TMEM184B: variants seen among roughly 807,000 people sequenced by gnomAD.
The protein encoded by TMEM184B is putative MAPK-activating protein FM08.
TMEM184B carries 17 observed loss-of-function variants against 41.8 expected under a neutral mutation model. That is an observed-to-expected ratio of 0.41 (90% CI 0.28 to 0.61). TMEM184B has a LOEUF of 0.61. Among genes scored for constraint, TMEM184B ranks in the 20% least tolerant of loss-of-function variants. The pLI is 0.34. For missense variants in TMEM184B, 393 were observed against 557.8 expected (o/e 0.70, Z 2.98); for synonymous variants, 240 against 229.5 (o/e 1.05, Z -0.41).
At chr22:38,249,323 AT>A (rs888284741) in intron 1 of TMEM184B, among the ~76,000 whole-genome samples, 2 of 151,850 alleles carry the variant, frequency 1.3e-5, no homozygotes, top group Non-Finnish European at 2.9e-5. Flanking sequence ...TAATTTTCTA[AT>A]TTTTTGTAGA....
chr22:38,267,189 C>G (rs1393854141), intron 1 of TMEM184B, among the ~76,000 whole-genome samples: 9 of 152,016 alleles, frequency 5.9e-5, no homozygotes, highest in Non-Finnish European at 8.8e-5. Context: ...CAAATATTCA[C>G]TTAGTGGGAT....
intron 1 of TMEM184B, among the ~76,000 whole-genome samples, chr22:38,252,998 C>T (rs898638313): frequency 2.6e-5 from 4 of 152,028 alleles, no homozygotes; most frequent in Non-Finnish European, 4.4e-5. Flanking sequence ...AAAAATTAGC[C>T]GGGCCTGGTG....
chr22:38,218,033 C>T (rs2091171655), downstream of TMEM184B, among the ~76,000 whole-genome samples: 1 of 152,102 alleles, frequency 6.6e-6, no homozygotes, highest in Non-Finnish European at 1.5e-5. Flanking sequence ...CAGTCCCACC[C>T]AGAGAGGAAA....
chr22:38,271,308 A>G lies in TMEM184B; in HGVS notation c.-59+1576T>C, dbSNP rs549600589. Among the ~76,000 whole-genome samples the G allele has an allele frequency of 5.3e-5, 8 of 152,298 alleles. No individual in the cohort carries two copies. The East Asian group carries it at 1.4e-3, about 26-fold the overall frequency. ...TAGTAGATGCTCAGTAAGTTGCAAG[A>G]CAAGATCTGGCAGCAAGAGAGAGGT... On this transcript the variant is annotated intron_variant, in intron 1 of 8. Transcript: ENST00000361906.
chr22:38,256,366 AC>A (rs1280476746), intron 1 of TMEM184B, among the ~76,000 whole-genome samples: 6 of 151,988 alleles, frequency 3.9e-5, no homozygotes, highest in Non-Finnish European at 5.9e-5. Flanking sequence ...GGCACCCACC[AC>A]CATGCCTGCC....
At chr22:38,244,460 C>CTTTTTT (rs561655176) in intron 3 of TMEM184B, among the ~76,000 whole-genome samples, 3 of 143,194 alleles carry the variant, frequency 2.1e-5, no homozygotes, top group Non-Finnish European at 3.1e-5. Context: ...ATGTAGGGGT[C>CTTTTTT]TTTTTTTTTT....
At position 38,226,572 on chromosome 22, in the gene TMEM184B, T is replaced by C; in HGVS notation, c.617+207A>G. 7.6e-6 allele frequency: 4 copies of C among 529,748 alleles called. No homozygotes were observed. Among genetic ancestry groups the C allele is most frequent in the Non-Finnish European group, 1.4e-5 (4 of 289,326 alleles). 32.8% of individuals were successfully genotyped at this position (529,748 alleles called of 1,614,324 possible). A position where few individuals can be genotyped will look rare whatever the true frequency, so the allele number is the denominator to read the frequency against. ...TCTGCAGCCTGGACATGAACGTGAC[T>C]GCTGCCAATGGCTCACTCCGGGGCT... On this transcript the variant is annotated intron_variant, in intron 6 of 8. Transcript: ENST00000361906. The surrounding 1 kb of genome is among the most constrained non-coding windows in gnomAD (Gnocchi z 4.6).
At chr22:38,246,816 A>T (rs970282091) in intron 2 of TMEM184B, 4 of 1,292,354 alleles carry the variant, frequency 3.1e-6, no homozygotes, top group Non-Finnish European at 4.1e-6. Context: ...CACAGTCCTC[A>T]GTCCAGGCAG....
At chr22:38,221,821 G>T (rs1602352790) in intron 8 of TMEM184B, 111 bp from the exon 9 acceptor site, 1 of 1,436,770 alleles carries the variant, frequency 7.0e-7, no homozygotes. Context: ...CCAAAGCTAT[G>T]CCCTTCAACC....
At chr22:38,255,542 C>T (rs2092263551) in intron 1 of TMEM184B, among the ~76,000 whole-genome samples, 1 of 152,182 alleles carries the variant, frequency 6.6e-6, no homozygotes, top group Non-Finnish European at 1.5e-5. Flanking sequence ...ATTTATTCTA[C>T]AGGAATGAAA....
intron 1 of TMEM184B, among the ~76,000 whole-genome samples, chr22:38,262,896 T>C (rs185192820): frequency 3.5e-4 from 53 of 152,294 alleles, no homozygotes; most frequent in Middle Eastern, 3.4e-3. Flanking sequence ...TCCTTATGTT[T>C]TTAATTTATT....
intron 3 of TMEM184B, among the ~76,000 whole-genome samples, chr22:38,242,371 G>A (rs551775535): frequency 2.6e-5 from 4 of 151,960 alleles, no homozygotes; most frequent in South Asian, 2.1e-4. Flanking sequence ...CCAGCTACTC[G>A]AGAGGCTGAG....
At position 38,219,618 on chromosome 22, in the gene TMEM184B, C is replaced by T. The variant is rs1485109373; in HGVS notation, c.*1851G>A. On this transcript the variant is annotated 3_prime_UTR_variant, in exon 9 of 9. Transcript: ENST00000361906. Reference sequence around the variant, plus strand: ...ACATGTTCCCGTCCCCACGACCCCACGGACCGCTGATTCCCTGCCACTGAG... The same window carrying T: ...ACATGTTCCCGTCCCCACGACCCCATGGACCGCTGATTCCCTGCCACTGAG... The T allele has an allele frequency of 7.1e-6, 7 of 985,370 alleles. No homozygotes were observed. The highest frequency in any genetic ancestry group is 5.2e-4 in the Middle Eastern group (1 of 1,936). 61.0% of individuals were successfully genotyped at this position (985,370 alleles called of 1,614,324 possible).
chr22:38,232,629 G>A (rs1161906737), intron 3 of TMEM184B, among the ~76,000 whole-genome samples: 2 of 152,162 alleles, frequency 1.3e-5, no homozygotes, highest in Non-Finnish European at 2.9e-5. Flanking sequence ...AGCCACGGTG[G>A]CCCTCCAGCC....
Position 38,230,720 on chromosome 22 carries a change from G to A in TMEM184B, c.474C>T (p.Cys158=), listed in dbSNP as rs1175913576. 1 of 1,612,464 alleles carries A rather than the reference G, an allele frequency of 6.2e-7. No homozygotes were observed. Among genetic ancestry groups the A allele is most frequent in the East Asian group, 2.2e-5 (1 of 44,862 alleles). The part of the protein sequence containing the change: ...PIESSCMYGT[C]CLWGKTYSIG... Reference sequence around the variant, plus strand: ...TGGAATAAGTCTTTCCCCAGAGGCAGCAGGTGCCATACATACAGCTGGACC... The same window carrying A: ...TGGAATAAGTCTTTCCCCAGAGGCAACAGGTGCCATACATACAGCTGGACC... Residue 158 remains cysteine (C), a synonymous_variant, in exon 5 of 9, where the codon TGC becomes TGT. Transcript: ENST00000361906.
At chr22:38,240,579 A>G (rs2091882005) in intron 3 of TMEM184B, among the ~76,000 whole-genome samples, 1 of 152,068 alleles carries the variant, frequency 6.6e-6, no homozygotes, top group African/African-American at 2.4e-5. Flanking sequence ...ACATACAGAA[A>G]GACTTCCCAG....
rs199536196 is a variant in TMEM184B at position 38,247,986 on chromosome 22, T to C, written c.-25A>G. On this transcript the variant is annotated 5_prime_UTR_variant, in exon 2 of 9. Transcript: ENST00000361906. ...TGGTGCCTGGCAGCAGGAGGCTCCCTGAGGGAAACCTTTGCAGAAAGTGAC... is the reference window on the plus strand; with the variant it reads ...TGGTGCCTGGCAGCAGGAGGCTCCCCGAGGGAAACCTTTGCAGAAAGTGAC... The C allele has an allele frequency of 3.8e-5, 58 of 1,545,824 alleles. 1 individual carries two copies. The African/African-American group carries it at 5.4e-4, about 14-fold the overall frequency.
chr22:38,268,614 AC>A, intron 1 of TMEM184B, among the ~76,000 whole-genome samples: 1 of 152,292 alleles, frequency 6.6e-6, no homozygotes, highest in East Asian at 1.9e-4. Context: ...TTTCAGGTCT[AC>A]TAAGTGCTGA....
At chr22:38,228,996 C>G (rs2091532469) in intron 5 of TMEM184B, among the ~76,000 whole-genome samples, 1 of 152,266 alleles carries the variant, frequency 6.6e-6, no homozygotes, top group African/African-American at 2.4e-5. Context: ...AGTTTTAACT[C>G]TTTCCCTGCA....
Sources: allele counts gnomAD v4.1 joint callset (sites outside exome capture counted in the v4.1 genomes callset), GRCh38; gene constraint gnomAD v4.1.1; non-coding constraint Gnocchi (gnomAD v3.1); transcripts MANE v1.5; gene names NCBI Gene and HGNC (gene_info 2026-07-23, HGNC 2026-07-21).